PEAK1: variants seen among roughly 807,000 people sequenced by gnomAD.
The protein encoded by PEAK1 is pseudopodium enriched atypical kinase 1.
In PEAK1, 54 loss-of-function variants were observed where a neutral mutation model predicts 124.7. The observed-to-expected ratio is 0.43, with a 90% CI of 0.35 to 0.54. The LOEUF is 0.54. Ranked by LOEUF, PEAK1 falls within the 20% of genes least tolerant of loss-of-function variation. PEAK1 has a pLI of 0.01. For synonymous variants in PEAK1, 719 were observed against 760.0 expected (o/e 0.95, Z 0.89); for missense variants, 2,046 against 2,134.5 (o/e 0.96, Z 0.82).
rs561337024 is a variant in PEAK1 at position 77,384,726 on chromosome 15, G to T, written c.-665-19501C>A. Among the ~76,000 whole-genome samples the T allele has an allele frequency of 8.5e-5, 13 of 152,252 alleles. No homozygotes were observed. In the East Asian group the frequency reaches 2.5e-3, roughly 29 times the overall value. Reference sequence around the variant, plus strand: ...AACAACTGTTTTCATCAACATGTGTGCCAACTGCCTTCCCTTGGCCCTCCA... The same window carrying T: ...AACAACTGTTTTCATCAACATGTGTTCCAACTGCCTTCCCTTGGCCCTCCA... On this transcript the variant is annotated intron_variant, in intron 1 of 9. Transcript: ENST00000682557.
Position 77,292,936 on chromosome 15 carries a change from T to G in PEAK1, c.-602-6432A>C, listed in dbSNP as rs141586895. ...AGTTCTATATCTCCACTTGGCACAA[T>G]GAATACTCTACCTGAATGACCTATC... is the stretch of plus-strand genomic sequence containing the variant. On this transcript the variant is annotated intron_variant, in intron 2 of 9. Coordinates refer to ENST00000682557, the MANE Select transcript of PEAK1 (RefSeq NM_001385026.1). Among the ~76,000 whole-genome samples the G allele has an allele frequency of 2.2e-3, 332 of 152,276 alleles. 1 individual carries two copies. The highest frequency in any genetic ancestry group is 6.8e-3 in the Middle Eastern group (2 of 294).
intron 6 of PEAK1, among the ~76,000 whole-genome samples, chr15:77,196,454 CA>C (rs1204676191): frequency 6.6e-6 from 1 of 152,138 alleles, no homozygotes; most frequent in African/African-American, 2.4e-5. Flanking sequence ...AACATAATTT[CA>C]AATGTATTCT....
chr15:77,229,013 T>G (rs1351927566), intron 6 of PEAK1, among the ~76,000 whole-genome samples: 1 of 152,084 alleles, frequency 6.6e-6, no homozygotes, highest in Non-Finnish European at 1.5e-5. Flanking sequence ...TGGCCTTTTA[T>G]TATCAGGCTA....
rs866636937 is a variant in PEAK1, at chr15:77,291,744, G to A, written c.-602-5240C>T. On this transcript the variant is annotated intron_variant, in intron 2 of 9. Coordinates refer to ENST00000682557, the MANE Select transcript of PEAK1 (RefSeq NM_001385026.1). Reference sequence around the variant, plus strand: ...TGTAATCCCAGCACTTTGGGAGGCCGAGGCAAGTGGACCACGAGGTCAGGA... The same window carrying A: ...TGTAATCCCAGCACTTTGGGAGGCCAAGGCAAGTGGACCACGAGGTCAGGA... Among the ~76,000 whole-genome samples, 25 of 152,036 alleles carry A rather than the reference G, an allele frequency of 1.6e-4. 1 individual carries two copies. Among genetic ancestry groups the A allele is most frequent in the Non-Finnish European group, 1.8e-4 (12 of 68,008 alleles).
intron 2 of PEAK1, among the ~76,000 whole-genome samples, chr15:77,292,849 T>C (rs1199408946): frequency 6.6e-6 from 1 of 152,180 alleles, no homozygotes; most frequent in Non-Finnish European, 1.5e-5. Context: ...TTGTGACATA[T>C]GACATACGTA....
chr15:77,379,460 C>G (rs2069297742), intron 1 of PEAK1, among the ~76,000 whole-genome samples: 1 of 152,156 alleles, frequency 6.6e-6, no homozygotes, highest in Non-Finnish European at 1.5e-5. Flanking sequence ...TAACACTTAT[C>G]AAACACCCTC....
At chr15:77,278,444 TC>T in intron 5 of PEAK1, 1 of 446,452 alleles carries the variant, frequency 2.2e-6, no homozygotes, top group South Asian at 1.8e-5. Flanking sequence ...CGCACCTATG[TC>T]CTACCACATC....
intron 6 of PEAK1, among the ~76,000 whole-genome samples, chr15:77,187,926 C>T (rs977108128): frequency 1.6e-4 from 24 of 152,140 alleles, no homozygotes; most frequent in African/African-American, 5.6e-4. Flanking sequence ...CAACCATACC[C>T]ACGTCACTGT....
At chr15:77,152,303 G>A (rs1435133360) in intron 8 of PEAK1, among the ~76,000 whole-genome samples, 1 of 152,180 alleles carries the variant, frequency 6.6e-6, no homozygotes, top group East Asian at 1.9e-4. Context: ...TGTTATTGGT[G>A]TATAAGAATG....
At chr15:77,226,044 G>GATATATATAATTAAT (rs57675196) in intron 6 of PEAK1, among the ~76,000 whole-genome samples, 1 of 44,998 alleles carries the variant, frequency 2.2e-5, no homozygotes, top group Admixed American at 2.7e-4. Context: ...AAAATAAAGG[G>GATATATATAATTAAT]ATATATATAT....
At chr15:77,366,524 T>C (rs1479078640) in intron 1 of PEAK1, among the ~76,000 whole-genome samples, 1 of 151,990 alleles carries the variant, frequency 6.6e-6, no homozygotes, top group Non-Finnish European at 1.5e-5. Context: ...TTGTACACTG[T>C]TCATAGGAAT....
intron 1 of PEAK1, chr15:77,418,312 T>A (rs1420169207): frequency 2.0e-6 from 2 of 985,252 alleles, no homozygotes; most frequent in Non-Finnish European, 2.4e-6. Context: ...AGAAGGAACA[T>A]ACATTAAAAA....
intron 8 of PEAK1, among the ~76,000 whole-genome samples, chr15:77,135,174 T>C (rs1180093197): frequency 6.6e-6 from 1 of 152,198 alleles, no homozygotes; most frequent in Non-Finnish European, 1.5e-5. Context: ...CACCCATTTG[T>C]GGTACTTTTT....
At chr15:77,265,618 G>C (rs1212687598) in intron 5 of PEAK1, among the ~76,000 whole-genome samples, 3 of 151,998 alleles carry the variant, frequency 2.0e-5, no homozygotes, top group Non-Finnish European at 2.9e-5. Context: ...AGGTGCTGGA[G>C]AGGATGTGGA....
intron 2 of PEAK1, among the ~76,000 whole-genome samples, chr15:77,362,942 G>A (rs571265192): frequency 5.3e-5 from 8 of 152,088 alleles, no homozygotes; most frequent in African/African-American, 1.7e-4. Context: ...TGCAACCTCC[G>A]CCTCCTGGGT....
rs188487165 is a variant in PEAK1, at chr15:77,120,135, T to C, written c.4078-4816A>G. Among the ~76,000 whole-genome samples the C allele has an allele frequency of 2.7e-4, 41 of 152,350 alleles. 1 individual carries two copies. Among genetic ancestry groups the C allele is most frequent in the Admixed American group, 2.0e-3 (31 of 15,302 alleles). ...GCATGGTGTTACTCATTCTTCTTCA[T>C]TGACCCTTTTTCCCAAAGGTTCCGT... On this transcript the variant is annotated intron_variant, in intron 9 of 9. Transcript: ENST00000682557.
intron 2 of PEAK1, among the ~76,000 whole-genome samples, chr15:77,324,510 A>T (rs547531557): frequency 6.6e-6 from 1 of 152,322 alleles, no homozygotes; most frequent in Non-Finnish European, 1.5e-5. Flanking sequence ...AGCTAAAAAC[A>T]ATGTATTAGG....
chr15:77,382,379 C>T (rs2069553179), intron 1 of PEAK1, among the ~76,000 whole-genome samples: 1 of 152,230 alleles, frequency 6.6e-6, no homozygotes, highest in African/African-American at 2.4e-5. Context: ...CAGTCTTTAA[C>T]GTTGTCTAAT....
At chr15:77,383,019 CTT>C (rs752564656) in intron 1 of PEAK1, among the ~76,000 whole-genome samples, 11 of 130,406 alleles carry the variant, frequency 8.4e-5, no homozygotes, top group Admixed American at 3.9e-4. Flanking sequence ...TTTGTATCTC[CTT>C]TTTTTTTTTT....
Sources: gnomAD v4.1 joint callset for allele counts (sites outside exome capture counted in the v4.1 genomes callset) on GRCh38, gnomAD v4.1.1 for gene constraint, MANE v1.5 for transcripts, NCBI Gene and HGNC (gene_info 2026-07-23, HGNC 2026-07-21) for gene names.